PHAF1: variants seen among roughly 807,000 people sequenced by gnomAD.
The protein encoded by PHAF1 is phagophore assembly factor 1.
A neutral mutation model predicts 63.1 loss-of-function variants in PHAF1; 23 were observed. The observed-to-expected ratio is 0.36, with a 90% CI of 0.26 to 0.52. The LOEUF (loss-of-function observed/expected upper bound fraction) is 0.52, where lower values mean the gene tolerates loss of function less well. Among genes scored for constraint, PHAF1 ranks in the 20% least tolerant of loss-of-function variants. PHAF1 has a pLI of 0.93. For missense variants in PHAF1, 427 were observed against 517.2 expected, an observed-to-expected ratio of 0.83 and a Z score of 1.69; for synonymous variants, 167 against 185.0, an observed-to-expected ratio of 0.90 and a Z score of 0.79.
chr16:67,140,017 T>A lies in PHAF1; in HGVS notation c.695T>A (p.Met232Lys). The A allele has an allele frequency of 6.2e-7, 1 of 1,614,124 alleles. No individual in the cohort carries two copies. The highest frequency in any genetic ancestry group is 8.5e-7 in the Non-Finnish European group (1 of 1,180,006). ...CCTGGCCTATTAGCAGATGCCAAGA[T>A]GCGGGTATTTGAACGTTCAGTGTAT... ...CGPGLLADAK[M>K]RVFERSVYFG... The change falls in exon 9 of 16, where the codon ATG (methionine) becomes AAG (lysine). Residue 232 changes from methionine (M) to lysine (K), a missense_variant. Physicochemically the swap from Met to Lys is moderately conservative, Grantham distance 95. Transcript: ENST00000219139.
intron 1 of PHAF1, among the ~76,000 whole-genome samples, chr16:67,114,618 A>T (rs892402340): frequency 1.3e-5 from 2 of 152,040 alleles, no homozygotes; most frequent in Non-Finnish European, 2.9e-5. Flanking sequence ...GGGAACTATA[A>T]GCAATTTGGT....
chr16:67,117,435 T>A (rs1033274565), intron 1 of PHAF1, among the ~76,000 whole-genome samples: 1 of 151,728 alleles, frequency 6.6e-6, no homozygotes, highest in Non-Finnish European at 1.5e-5. Flanking sequence ...TGGAGGCATA[T>A]GTAAATCTGC....
intron 1 of PHAF1, among the ~76,000 whole-genome samples, chr16:67,113,132 A>G (rs1292760148): frequency 2.0e-5 from 3 of 152,246 alleles, no homozygotes; most frequent in African/African-American, 7.2e-5. Context: ...AAAGTCGCCA[A>G]ACAGGCATAT....
chr16:67,123,831 C>T (rs1323047553), intron 2 of PHAF1, among the ~76,000 whole-genome samples: 2 of 152,138 alleles, frequency 1.3e-5, no homozygotes, highest in Non-Finnish European at 2.9e-5. Context: ...GAAATATGTT[C>T]TTGTCTCTAT....
chr16:67,125,931 C>T (rs1963170399), intron 2 of PHAF1, 28 bp from the exon 3 acceptor site: 3 of 1,513,346 alleles, frequency 2.0e-6, no homozygotes, highest in South Asian at 2.2e-5. Context: ...ATCAGTTACT[C>T]AGAATGTATT....
At chr16:67,119,117 C>CTCTA (rs1396509267) in intron 1 of PHAF1, among the ~76,000 whole-genome samples, 2 of 152,078 alleles carry the variant, frequency 1.3e-5, no homozygotes, top group Non-Finnish European at 2.9e-5. Flanking sequence ...AAGTCATGTA[C>CTCTA]TCTAATAGGC....
At chr16:67,131,258 C>T (rs769732434) in intron 3 of PHAF1, 28 bp from the exon 4 acceptor site, 2 of 1,454,584 alleles carry the variant, frequency 1.4e-6, no homozygotes, top group Non-Finnish European at 1.9e-6. Context: ...ACTTTCAGAG[C>T]ATTGACAACT....
chr16:67,119,958 T>C, intron 1 of PHAF1, 154 bp from the exon 2 acceptor site: 1 of 598,192 alleles, frequency 1.7e-6, no homozygotes, highest in East Asian at 2.9e-5. Flanking sequence ...TAGCTCTTAC[T>C]GCTTATTGAA....
At chr16:67,115,062 AGAG>A (rs1223682727) in intron 1 of PHAF1, among the ~76,000 whole-genome samples, 1 of 152,210 alleles carries the variant, frequency 6.6e-6, no homozygotes, top group Non-Finnish European at 1.5e-5. Context: ...TGGAAAAGTT[AGAG>A]GAGAGTAGTA....
chr16:67,126,621 G>T (rs1368790989), intron 3 of PHAF1, among the ~76,000 whole-genome samples: 3 of 148,240 alleles, frequency 2.0e-5, no homozygotes, highest in African/African-American at 7.5e-5. Context: ...TTGAGATGAG[G>T]TCTAGCTCTG....
Position 67,145,590 on chromosome 16 carries a change from C to G in PHAF1, c.1071C>G (p.Leu357=), listed in dbSNP as rs776258934. The G allele has an allele frequency of 6.2e-7, 1 of 1,614,036 alleles. No individual in the cohort carries two copies. The highest frequency in any genetic ancestry group is 1.1e-5 in the South Asian group (1 of 91,072). Residue 357 remains leucine, a synonymous_variant, in exon 14 of 16, where the codon CTC becomes CTG. Coordinates refer to ENST00000219139, the MANE Select transcript of PHAF1 (RefSeq NM_025187.5). ...TGCAGTGGGACAACATCCAGGAGCT[C>G]CTGGGCCACCCTGTGGAGAAGCCTG... ...TYSKWDNIQE[L]LGHPVEKPVV...
rs555999710 is a variant in PHAF1, at chr16:67,131,035, T to C, written c.232-251T>C. ...TGGGAGGCTAAGACAGGAGGATCATTTGAGCCCAGGAGTTTGAGACCAGCC... is the reference window on the plus strand; with the variant it reads ...TGGGAGGCTAAGACAGGAGGATCATCTGAGCCCAGGAGTTTGAGACCAGCC... On this transcript the variant is annotated intron_variant, in intron 3 of 15. Coordinates refer to ENST00000219139, the MANE Select transcript of PHAF1 (RefSeq NM_025187.5). Among the ~76,000 whole-genome samples the C allele has an allele frequency of 9.8e-5, 15 of 152,316 alleles. 1 individual carries two copies. Among genetic ancestry groups the C allele is most frequent in the Admixed American group, 9.8e-4 (15 of 15,306 alleles).
Position 67,145,586 on chromosome 16 carries a change from A to C in PHAF1, c.1067A>C (p.Glu356Ala). 2 of 1,613,994 alleles carry C rather than the reference A, an allele frequency of 1.2e-6. No homozygotes were observed. Among genetic ancestry groups the C allele is most frequent in the Non-Finnish European group, 1.7e-6 (2 of 1,179,976 alleles). Residue 356 changes from glutamate to alanine, a missense_variant, in exon 14 of 16, where the codon GAG becomes GCG. Physicochemically the swap from Glu to Ala is moderately radical, Grantham distance 107 (BLOSUM62 -1). Coordinates refer to ENST00000219139, the MANE Select transcript of PHAF1 (RefSeq NM_025187.5). ...CTCTTGCAGTGGGACAACATCCAGGAGCTCCTGGGCCACCCTGTGGAGAAG... is the reference window on the plus strand; with the variant it reads ...CTCTTGCAGTGGGACAACATCCAGGCGCTCCTGGGCCACCCTGTGGAGAAG... ...TTYSKWDNIQ[E>A]LLGHPVEKPV...
intron 6 of PHAF1, 100 bp downstream of exon 6, chr16:67,133,011 G>A (rs1963466760): frequency 3.1e-6 from 3 of 971,926 alleles, no homozygotes; most frequent in African/African-American, 3.3e-5. Context: ...TATTAGATAG[G>A]CAGACTTTCT....
rs1250874804 is a variant in PHAF1 at position 67,147,299 on chromosome 16, G to A, written c.*168G>A. The A allele has an allele frequency of 1.2e-5, 7 of 605,122 alleles. No homozygotes were observed. Among genetic ancestry groups the A allele is most frequent in the East Asian group, 5.8e-5 (2 of 34,230 alleles). 37.5% of individuals were successfully genotyped at this position (605,122 alleles called of 1,614,324 possible). On this transcript the variant is annotated 3_prime_UTR_variant, in exon 16 of 16. Transcript: ENST00000219139. ...CTGGGTGCTCTGCCATGGGCTGAGT[G>A]GCCCAGATATTCTTCTGTCCATCTT...
intron 1 of PHAF1, among the ~76,000 whole-genome samples, chr16:67,111,215 G>A (rs894446847): frequency 6.6e-6 from 1 of 152,336 alleles, no homozygotes; most frequent in South Asian, 2.1e-4. Context: ...AGGAGTTAGG[G>A]AGAAGTAACA....
intron 2 of PHAF1, among the ~76,000 whole-genome samples, chr16:67,125,711 A>C (rs1367735848): frequency 6.6e-6 from 1 of 152,158 alleles, no homozygotes; most frequent in Non-Finnish European, 1.5e-5. Context: ...AGGTATTTTT[A>C]CTCAAGCCCA....
At position 67,110,151 on chromosome 16, in the gene PHAF1, C is replaced by A; in HGVS notation, c.-25C>A. Reference sequence around the variant, plus strand: ...CCCTTCTGCGCTGCCGCAGGGAGGCCGCCCGGGCCAGGCGAGCCGAACCAA... The same window carrying A: ...CCCTTCTGCGCTGCCGCAGGGAGGCAGCCCGGGCCAGGCGAGCCGAACCAA... On this transcript the variant is annotated 5_prime_UTR_variant, in exon 1 of 16. Transcript: ENST00000219139. 1.0e-5 allele frequency: 16 copies of A among 1,550,412 alleles called. No individual in the cohort carries two copies. The highest frequency in any genetic ancestry group is 1.4e-5 in the Non-Finnish European group (16 of 1,147,060).
At chr16:67,129,858 C>G (rs531841290) in intron 3 of PHAF1, among the ~76,000 whole-genome samples, 18 of 152,264 alleles carry the variant, frequency 1.2e-4, no homozygotes, top group Non-Finnish European at 2.2e-4. Context: ...GAGGCTGAAC[C>G]CATTAAAGAG....
Sources: allele counts gnomAD v4.1 joint callset (sites outside exome capture counted in the v4.1 genomes callset), GRCh38; gene constraint gnomAD v4.1.1; transcripts MANE v1.5; gene names NCBI Gene and HGNC (gene_info 2026-07-23, HGNC 2026-07-21).